The following DPP10 variants were observed in gnomAD, a reference collection of about 807,000 sequenced individuals.
The protein encoded by DPP10 is inactive dipeptidyl peptidase 10.
A neutral mutation model predicts 120.9 loss-of-function variants in DPP10; 33 were observed. That is an observed-to-expected ratio of 0.27 (90% CI 0.21 to 0.37). The LOEUF (loss-of-function observed/expected upper bound fraction) is 0.37. Among genes scored for constraint, DPP10 ranks in the 10% least tolerant of loss-of-function variants. The pLI is 1.00. For synonymous variants in DPP10, 337 were observed against 326.1 expected, an observed-to-expected ratio of 1.03 and a Z score of -0.36; for missense variants, 816 against 942.8, an observed-to-expected ratio of 0.87 and a Z score of 1.76.
At chr2:115,108,746 C>A (rs2049069694) in intron 1 of DPP10, among the ~76,000 whole-genome samples, 2 of 152,146 alleles carry the variant, frequency 1.3e-5, no homozygotes, top group Admixed American at 1.3e-4. Context: ...CATTTACCTG[C>A]TTGCAGGTCC....
chr2:115,730,549 C>A (rs2092880933), intron 8 of DPP10, among the ~76,000 whole-genome samples: 1 of 152,164 alleles, frequency 6.6e-6, no homozygotes, highest in South Asian at 2.1e-4. Context: ...TCAATGTAGA[C>A]CATGCTTATT....
intron 3 of DPP10, among the ~76,000 whole-genome samples, chr2:115,495,186 G>A (rs2076327273): frequency 6.6e-6 from 1 of 151,950 alleles, no homozygotes; most frequent in East Asian, 1.9e-4. Flanking sequence ...GGTTTGAGTA[G>A]ATAAGACTGA....
At chr2:115,013,658 CAAAA>C (rs59313783) in intron 1 of DPP10, among the ~76,000 whole-genome samples, 2 of 58,412 alleles carry the variant, frequency 3.4e-5, no homozygotes, top group Non-Finnish European at 3.7e-5. Flanking sequence ...AAATGGAAAG[CAAAA>C]AAAAAAAAAA....
intron 3 of DPP10, among the ~76,000 whole-genome samples, chr2:115,397,025 A>G (rs1046337072): frequency 6.6e-6 from 1 of 152,212 alleles, no homozygotes; most frequent in Non-Finnish European, 1.5e-5. Context: ...TTAATTTTCA[A>G]GTGTTCTTAT....
chr2:115,630,085 C>G (rs1007645818), intron 5 of DPP10, among the ~76,000 whole-genome samples: 1 of 152,026 alleles, frequency 6.6e-6, no homozygotes, highest in Non-Finnish European at 1.5e-5. Context: ...TTTCCTTGAG[C>G]CATGGTTTGT....
At chr2:115,377,645 G>C (rs886580507) in intron 3 of DPP10, among the ~76,000 whole-genome samples, 1 of 152,062 alleles carries the variant, frequency 6.6e-6, no homozygotes, top group Non-Finnish European at 1.5e-5. Context: ...TGTCCTGAAT[G>C]GTAATGCCTA....
At chr2:115,215,691 A>G (rs1360170694) in intron 1 of DPP10, among the ~76,000 whole-genome samples, 6 of 152,172 alleles carry the variant, frequency 3.9e-5, no homozygotes, top group Admixed American at 3.3e-4. Flanking sequence ...CCTATTGAAA[A>G]CAGTATGCAG....
intron 1 of DPP10, among the ~76,000 whole-genome samples, chr2:115,001,987 C>T (rs1701471799): frequency 6.6e-6 from 1 of 152,186 alleles, no homozygotes; most frequent in African/African-American, 2.4e-5. Flanking sequence ...AATGCTATTC[C>T]TACCAAACTA....
At chr2:115,472,507 C>T (rs894117902) in intron 3 of DPP10, among the ~76,000 whole-genome samples, 10 of 152,230 alleles carry the variant, frequency 6.6e-5, no homozygotes, top group Admixed American at 5.9e-4. Context: ...ACTGAGTTTT[C>T]ATATCCAGTG....
chr2:115,181,421 T>A (rs568212792), intron 1 of DPP10, among the ~76,000 whole-genome samples: 2 of 152,332 alleles, frequency 1.3e-5, no homozygotes, highest in South Asian at 4.1e-4. Context: ...TTATCTTGAC[T>A]GCATTCATCC....
At chr2:115,411,522 T>C (rs2068956610) in intron 3 of DPP10, among the ~76,000 whole-genome samples, 1 of 152,110 alleles carries the variant, frequency 6.6e-6, no homozygotes, top group Non-Finnish European at 1.5e-5. Context: ...AAAATTGGGG[T>C]ATTTATGAAG....
intron 5 of DPP10, among the ~76,000 whole-genome samples, chr2:115,566,758 A>G (rs1043339585): frequency 3.3e-5 from 5 of 152,210 alleles, no homozygotes; most frequent in African/African-American, 1.2e-4. Flanking sequence ...GCTCATTGCT[A>G]CTGTAATGAC....
intron 1 of DPP10, among the ~76,000 whole-genome samples, chr2:115,190,890 C>T (rs2054831699): frequency 6.6e-6 from 1 of 152,136 alleles, no homozygotes; most frequent in Non-Finnish European, 1.5e-5. Context: ...GTTTCAATTG[C>T]TATAGTTTGT....
intron 5 of DPP10, among the ~76,000 whole-genome samples, chr2:115,568,553 CT>C (rs11404230): frequency 8.5e-4 from 125 of 147,762 alleles, no homozygotes; most frequent in African/African-American, 2.9e-3. Context: ...TGAGGTTGAT[CT>C]TTTTTTTTTT....
At chr2:114,495,089 G>T (rs1236752313) in intron 1 of DPP10, among the ~76,000 whole-genome samples, 1 of 152,048 alleles carries the variant, frequency 6.6e-6, no homozygotes, top group African/African-American at 2.4e-5. Flanking sequence ...CACTGAAAAA[G>T]TTACAGTTTT....
At chr2:114,730,485 C>A (rs1676788780) in intron 1 of DPP10, among the ~76,000 whole-genome samples, 1 of 152,168 alleles carries the variant, frequency 6.6e-6, no homozygotes, top group Non-Finnish European at 1.5e-5. Context: ...GCCTGGCATG[C>A]AGAGTTGATC....
At chr2:115,437,918 A>T (rs1231070892) in intron 3 of DPP10, among the ~76,000 whole-genome samples, 1 of 152,252 alleles carries the variant, frequency 6.6e-6, no homozygotes, top group East Asian at 1.9e-4. Context: ...TATTAAATTC[A>T]TTTTATGTGC....
intron 1 of DPP10, among the ~76,000 whole-genome samples, chr2:114,659,428 G>C (rs1389006988): frequency 1.3e-5 from 2 of 151,954 alleles, no homozygotes; most frequent in Non-Finnish European, 2.9e-5. Flanking sequence ...GCTGCACATT[G>C]CCTCATGCAT....
chr2:114,521,528 A>C (rs1188507946), intron 1 of DPP10, among the ~76,000 whole-genome samples: 1 of 152,192 alleles, frequency 6.6e-6, no homozygotes, highest in Non-Finnish European at 1.5e-5. Context: ...ACAAATTATG[A>C]TATAAATTAT....
Sources: allele counts gnomAD v4.1 joint callset (sites outside exome capture counted in the v4.1 genomes callset), GRCh38; gene constraint gnomAD v4.1.1; transcripts MANE v1.5; gene names NCBI Gene and HGNC (gene_info 2026-07-23, HGNC 2026-07-21).